Variants in KLHDC4 observed in about 807,000 individuals in gnomAD.
The protein encoded by KLHDC4 is kelch domain containing 4.
In KLHDC4, 90 loss-of-function variants were observed where a neutral mutation model predicts 62.4. The ratio of observed to expected loss-of-function variants is 1.44; its 90% CI spans 1.22 to 1.72. KLHDC4 has a LOEUF of 1.72. Ranked by LOEUF, KLHDC4 falls within the 40% of genes most tolerant of loss-of-function variation. KLHDC4 has a pLI of 0.00. For synonymous variants in KLHDC4, 386 were observed against 284.4 expected (o/e 1.36, Z -3.59); for missense variants, 1,025 against 699.7 (o/e 1.47, Z -5.25).
chr16:87,713,588 C>T (rs776941932), intron 8 of KLHDC4, among the ~76,000 whole-genome samples: 1 of 152,114 alleles, frequency 6.6e-6, no homozygotes, highest in African/African-American at 2.4e-5. Flanking sequence ...TCCACACAGG[C>T]ACGGCTTCTT....
At chr16:87,743,747 A>G (rs925492441) in intron 5 of KLHDC4, among the ~76,000 whole-genome samples, 6 of 151,864 alleles carry the variant, frequency 4.0e-5, no homozygotes, top group African/African-American at 1.5e-4. Context: ...CTCAAAAAAA[A>G]TAAAAATAAA....
chr16:87,738,699 C>A (rs1289855274), intron 5 of KLHDC4, among the ~76,000 whole-genome samples: 2 of 129,186 alleles, frequency 1.5e-5, no homozygotes, highest in Non-Finnish European at 3.4e-5. Flanking sequence ...CATCCACACA[C>A]CAGCACCTCA....
intron 2 of KLHDC4, among the ~76,000 whole-genome samples, chr16:87,761,526 T>C (rs553464363): frequency 6.6e-5 from 10 of 152,380 alleles, no homozygotes; most frequent in Admixed American, 5.2e-4. Flanking sequence ...AAATGGCTTA[T>C]ACTCAATTTA....
chr16:87,746,975 G>A (rs2143022640), intron 5 of KLHDC4, among the ~76,000 whole-genome samples: 1 of 152,370 alleles, frequency 6.6e-6, no homozygotes, highest in East Asian at 1.9e-4. Flanking sequence ...GGATGCAGCT[G>A]GAGCTGCACA....
rs773740228 is a variant in KLHDC4, at chr16:87,709,117, T to C, written c.1447+148A>G. 5.0e-4 allele frequency: 522 copies of C among 1,051,606 alleles called. 1 individual carries two copies. Among genetic ancestry groups the C allele is most frequent in the South Asian group, 1.2e-3 (79 of 64,510 alleles). The allele number at this position is 1,051,606 out of a possible 1,614,324, so 65.1% of individuals were successfully genotyped here. On this transcript the variant is annotated intron_variant, in intron 10 of 11. Coordinates refer to ENST00000270583, the MANE Select transcript of KLHDC4 (RefSeq NM_017566.4). ...TTCCACAACAGGGTCCTGTTCTCCGTCAATCTGACCGTGGAGGCAGGAGCA... is the reference window on the plus strand; with the variant it reads ...TTCCACAACAGGGTCCTGTTCTCCGCCAATCTGACCGTGGAGGCAGGAGCA...
intron 7 of KLHDC4, among the ~76,000 whole-genome samples, chr16:87,725,211 G>A (rs574477193): frequency 2.6e-5 from 4 of 152,190 alleles, no homozygotes; most frequent in Non-Finnish European, 4.4e-5. Flanking sequence ...GGAAGGGCAC[G>A]GCAGGATCAG....
chr16:87,706,325 C>T (rs183580952), downstream of KLHDC4, among the ~76,000 whole-genome samples: 90 of 123,832 alleles, frequency 7.3e-4, no homozygotes, highest in East Asian at 0.019. Context: ...CTGCAGCCCT[C>T]GGAGAGGGGG....
At chr16:87,725,360 T>C (rs2039168926) in intron 7 of KLHDC4, among the ~76,000 whole-genome samples, 1 of 151,784 alleles carries the variant, frequency 6.6e-6, no homozygotes, top group Admixed American at 6.6e-5. Flanking sequence ...AGAGACGGGG[T>C]TTCACAGTGT....
At chr16:87,735,410 G>A (rs2041143206) in intron 5 of KLHDC4, among the ~76,000 whole-genome samples, 1 of 152,112 alleles carries the variant, frequency 6.6e-6, no homozygotes, top group South Asian at 2.1e-4. Context: ...CCCAACCAGC[G>A]AGGGAACACA....
intron 1 of KLHDC4, chr16:87,765,001 T>A (rs2046421069): frequency 7.4e-6 from 3 of 406,898 alleles, no homozygotes; most frequent in Non-Finnish European, 9.9e-6. Context: ...CCCAGTTCCA[T>A]ACCACTTCAT....
At chr16:87,763,209 T>G (rs1465859225) in intron 1 of KLHDC4, among the ~76,000 whole-genome samples, 2 of 152,364 alleles carry the variant, frequency 1.3e-5, no homozygotes, top group East Asian at 3.9e-4. Flanking sequence ...AAGTAACCAC[T>G]ATCTGGAACT....
At position 87,755,222 on chromosome 16, in the gene KLHDC4, C is replaced by T. The variant is rs948558904; in HGVS notation, c.341G>A (p.Ser114Asn). 1.2e-6 allele frequency: 2 copies of T among 1,611,584 alleles called. No individual in the cohort carries two copies. The highest frequency in any genetic ancestry group is 1.7e-6 in the Non-Finnish European group (2 of 1,177,778). The change falls in exon 4 of 12, where the codon AGT becomes AAT. Residue 114 changes from serine to asparagine, a missense_variant. Ser to Asn is a conservative substitution (Grantham distance 46). Coordinates refer to ENST00000270583, the MANE Select transcript of KLHDC4 (RefSeq NM_017566.4). ...KDTWTKVDIP[S>N]PPPRRCAHQA... ...GTGAGCACAGCGCCTCGGAGGTGGA[C>T]TGGGGATGTCAACTTTGGTCCAGGT...
intron 5 of KLHDC4, among the ~76,000 whole-genome samples, chr16:87,742,441 C>G (rs1023315262): frequency 6.6e-6 from 1 of 152,200 alleles, no homozygotes; most frequent in African/African-American, 2.4e-5. Flanking sequence ...CATGAATATT[C>G]TTACTTCTTT....
chr16:87,719,787 C>A (rs1338035093), intron 7 of KLHDC4, among the ~76,000 whole-genome samples: 1 of 152,110 alleles, frequency 6.6e-6, no homozygotes, highest in Non-Finnish European at 1.5e-5. Flanking sequence ...GCAAAGACAT[C>A]TGAGAGAGAG....
chr16:87,721,064 C>G lies in KLHDC4; in HGVS notation c.759+5701G>C, dbSNP rs529219607. Among the ~76,000 whole-genome samples, 6 of 152,354 alleles carry G rather than the reference C, an allele frequency of 3.9e-5. No homozygotes were observed. In the South Asian group the frequency reaches 8.3e-4, roughly 21 times the overall value. On this transcript the variant is annotated intron_variant, in intron 7 of 11. Transcript: ENST00000270583. ...AACGGCCAACGGCCACTCAACCCCC[C>G]ACAGCCAAGACTTCTACCTGTCGCT... is the stretch of plus-strand genomic sequence containing the variant.
rs1401885844 is a variant in KLHDC4 at position 87,761,940 on chromosome 16, C to G, written c.191+9G>C. ...GAAACATACAATATGAAAAATGCTA[C>G]TTGCTCACCTTGGTGAGGGTGGGGG... On this transcript the variant is annotated intron_variant, in intron 2 of 11. Transcript: ENST00000270583. 1.9e-6 allele frequency: 3 copies of G among 1,612,344 alleles called. No individual in the cohort carries two copies. Among genetic ancestry groups the G allele is most frequent in the South Asian group, 1.1e-5 (1 of 90,808 alleles).
chr16:87,701,442 A>C (rs2034139364), exon 1 of KLHDC4: 1 of 342,666 alleles, frequency 2.9e-6, no homozygotes, highest in Admixed American at 3.8e-5. Flanking sequence ...CCCAAAGTGG[A>C]AGTGCCTGAG....
intron 10 of KLHDC4, 68 bp from the exon 11 acceptor site, chr16:87,708,534 G>A (rs890396353): frequency 2.1e-5 from 25 of 1,215,354 alleles, no homozygotes; most frequent in African/African-American, 9.0e-5. Context: ...GCTGCGGGAC[G>A]GTGGTGGCTA....
rs189914852 is a variant in KLHDC4, at chr16:87,753,948, G to A, written c.369+1246C>T. ...AGATCACACCATTGTACTCTTACCT[G>A]GGTGACAGCAAGACACCATCTCAAA... On this transcript the variant is annotated intron_variant, in intron 4 of 11. Transcript: ENST00000270583. Among the ~76,000 whole-genome samples the A allele has an allele frequency of 6.7e-5, 10 of 148,700 alleles. No homozygotes were observed. The East Asian group carries it at 1.8e-3, about 26-fold the overall frequency.
Sources: allele counts gnomAD v4.1 joint callset (sites outside exome capture counted in the v4.1 genomes callset), GRCh38; gene constraint gnomAD v4.1.1; transcripts MANE v1.5; gene names NCBI Gene and HGNC (gene_info 2026-07-23, HGNC 2026-07-21).